The following CDH18 variants were observed in gnomAD, a reference collection of about 807,000 sequenced individuals.
The protein encoded by CDH18 is cadherin-18.
In CDH18, 31 loss-of-function variants were observed where a neutral mutation model predicts 67.9. The observed-to-expected ratio is 0.46, with a 90% CI of 0.34 to 0.62. The LOEUF (loss-of-function observed/expected upper bound fraction) is 0.62, where lower values mean the gene tolerates loss of function less well. Ranked by LOEUF, CDH18 falls within the 20% of genes least tolerant of loss-of-function variation. The pLI is 0.01. For synonymous variants in CDH18, 362 were observed against 347.2 expected (o/e 1.04, Z -0.48); for missense variants, 890 against 975.5 (o/e 0.91, Z 1.17).
intron 1 of CDH18, among the ~76,000 whole-genome samples, chr5:20,287,027 A>G (rs1233869598): frequency 6.6e-6 from 1 of 151,762 alleles, no homozygotes; most frequent in African/African-American, 2.4e-5. Context: ...AATTATCAAA[A>G]TCACATCCCA....
intron 2 of CDH18, among the ~76,000 whole-genome samples, chr5:19,868,147 G>T (rs1174926974): frequency 6.6e-6 from 1 of 152,118 alleles, no homozygotes; most frequent in African/African-American, 2.4e-5. Flanking sequence ...TGGACTAATA[G>T]ACCTATATAT....
intron 2 of CDH18, among the ~76,000 whole-genome samples, chr5:20,105,412 G>A (rs970743093): frequency 3.3e-5 from 5 of 152,186 alleles, no homozygotes; most frequent in African/African-American, 4.8e-5. Context: ...TGTTGTACAC[G>A]TAATATTTCC....
intron 1 of CDH18, among the ~76,000 whole-genome samples, chr5:20,492,954 C>A (rs1753675960): frequency 1.3e-5 from 2 of 152,002 alleles, no homozygotes; most frequent in Non-Finnish European, 2.9e-5. Context: ...AACATCTGAT[C>A]AAGAAAACTT....
intron 1 of CDH18, among the ~76,000 whole-genome samples, chr5:20,496,673 C>T (rs1020887578): frequency 7.2e-5 from 11 of 152,130 alleles, no homozygotes; most frequent in South Asian, 2.1e-4. Context: ...GTGCTCTTCA[C>T]GCTTTTACTT....
At chr5:19,919,856 T>C (rs1050578729) in intron 2 of CDH18, among the ~76,000 whole-genome samples, 1 of 152,184 alleles carries the variant, frequency 6.6e-6, no homozygotes, top group Admixed American at 6.5e-5. Flanking sequence ...GGGTTTTTCA[T>C]ATACAAATAA....
intron 1 of CDH18, among the ~76,000 whole-genome samples, chr5:20,381,162 G>A (rs944772525): frequency 4.8e-4 from 73 of 151,946 alleles, no homozygotes; most frequent in African/African-American, 1.7e-3. Context: ...AGTAGAGAAG[G>A]CACAAAAGAA....
chr5:19,554,021 T>C (rs1019413461), intron 8 of CDH18, among the ~76,000 whole-genome samples: 3 of 152,116 alleles, frequency 2.0e-5, no homozygotes, highest in Non-Finnish European at 4.4e-5. Context: ...TTTGTTAACA[T>C]TGGGAATGCA....
At chr5:20,502,716 C>A (rs1372079424) in intron 1 of CDH18, among the ~76,000 whole-genome samples, 1 of 152,028 alleles carries the variant, frequency 6.6e-6, no homozygotes, top group African/African-American at 2.4e-5. Context: ...ATAAGAAATC[C>A]TTAGAACAAT....
Position 19,473,206 on chromosome 5 carries a change from A to G in CDH18, c.*20T>C, listed in dbSNP as rs766040674. The G allele has an allele frequency of 2.5e-6, 4 of 1,605,576 alleles. No homozygotes were observed. Among genetic ancestry groups the G allele is most frequent in the African/African-American group, 2.7e-5 (2 of 74,664 alleles). ...ACTTACTCAGGAAGCAAATTCCACA[A>G]GGTTGCAAGAACTGACCCCCTAAGT... is the stretch of plus-strand genomic sequence containing the variant. On this transcript the variant is annotated 3_prime_UTR_variant, in exon 13 of 13. Coordinates refer to ENST00000382275, the MANE Select transcript of CDH18 (RefSeq NM_004934.5).
At chr5:19,794,651 A>ATG (rs1776680074) in intron 3 of CDH18, among the ~76,000 whole-genome samples, 1 of 152,076 alleles carries the variant, frequency 6.6e-6, no homozygotes, top group Admixed American at 6.6e-5. Context: ...CTGACCTATA[A>ATG]TGTGTGTAAT....
chr5:19,859,989 G>GGTGTGTGTGTGTGTGT (rs3065070), intron 2 of CDH18, among the ~76,000 whole-genome samples: 2,208 of 143,200 alleles, frequency 0.015, 27 homozygotes, highest in East Asian at 0.027. Context: ...GTTTGCTTTG[G>GGTGTGTGTGTGTGTGT]GTGTGTGTGT....
chr5:19,612,719 C>A, intron 5 of CDH18, 118 bp from the exon 6 acceptor site: 1 of 760,492 alleles, frequency 1.3e-6, no homozygotes, highest in South Asian at 1.9e-5. Context: ...GGGATAAAGT[C>A]ACACGTCTGA....
chr5:20,509,407 C>CTTTTTT (rs565488310), intron 1 of CDH18, among the ~76,000 whole-genome samples: 1 of 139,338 alleles, frequency 7.2e-6, no homozygotes. Context: ...CAGGATTTCC[C>CTTTTTT]TTTTTTTTTT....
At position 19,758,084 on chromosome 5, in the gene CDH18, A is replaced by G. The variant is rs184897534; in HGVS notation, c.229-10848T>C. On this transcript the variant is annotated intron_variant, in intron 3 of 12. Coordinates refer to ENST00000382275, the MANE Select transcript of CDH18 (RefSeq NM_004934.5). ...AGGCAGGGTGGCAGGAGTGGAGACC[A>G]TGGGCATTTGAGCCACTTTCTCATG... 9.3e-4 allele frequency among the ~76,000 whole-genome samples: 141 copies of G among 152,254 alleles called. 4 individuals are homozygous for G. In the East Asian group the frequency reaches 0.018, roughly 20 times the overall value.
At chr5:20,184,177 T>G (rs1737915129) in intron 2 of CDH18, among the ~76,000 whole-genome samples, 1 of 152,024 alleles carries the variant, frequency 6.6e-6, no homozygotes, top group African/African-American at 2.4e-5. Context: ...TGAACAAAAT[T>G]TCCCTAATTA....
intron 1 of CDH18, among the ~76,000 whole-genome samples, chr5:20,508,369 ATATT>A (rs1581127308): frequency 7.3e-6 from 1 of 136,220 alleles, no homozygotes; most frequent in East Asian, 2.2e-4. Context: ...ATATATATGT[ATATT>A]TATTTGGAAA....
In CDH18 at chr5:20,056,977, G is replaced by A. The variant is rs1742048396; in HGVS notation, c.-517-64963C>T. Among the ~76,000 whole-genome samples the A allele has an allele frequency of 3.3e-5, 5 of 152,016 alleles. 1 individual carries two copies. Among genetic ancestry groups the A allele is most frequent in the South Asian group, 4.2e-4 (2 of 4,818 alleles). On this transcript the variant is annotated intron_variant, in intron 2 of 14. Transcript: ENST00000507958. ...TGAGATTACAGGTGTGAGCCACCAC[G>A]CCCGGCCGAGTTCTATATTCTTGAA...
At chr5:20,219,686 T>G (rs1741070196) in intron 2 of CDH18, among the ~76,000 whole-genome samples, 1 of 151,858 alleles carries the variant, frequency 6.6e-6, no homozygotes, top group African/African-American at 2.4e-5. Context: ...TATATGCAAA[T>G]CAATCAATGT....
At chr5:20,239,015 C>T (rs1742686230) in intron 2 of CDH18, among the ~76,000 whole-genome samples, 2 of 151,982 alleles carry the variant, frequency 1.3e-5, no homozygotes, top group African/African-American at 4.8e-5. Flanking sequence ...ACTTGGTTTT[C>T]CAAGTGAAAT....
Sources: gnomAD v4.1 joint callset for allele counts (sites outside exome capture counted in the v4.1 genomes callset) on GRCh38, gnomAD v4.1.1 for gene constraint, MANE v1.5 for transcripts, NCBI Gene and HGNC (gene_info 2026-07-23, HGNC 2026-07-21) for gene names.